SORCS1: variants seen among roughly 807,000 people sequenced by gnomAD.
SORCS1 encodes VPS10 domain-containing receptor SorCS1.
A neutral mutation model predicts 146.1 loss-of-function variants in SORCS1; 60 were observed. That is an observed-to-expected ratio of 0.41 (90% confidence interval 0.33 to 0.51). SORCS1 has a LOEUF of 0.51. Ranked by LOEUF, SORCS1 falls within the 20% of genes least tolerant of loss-of-function variation. The pLI is 0.21. For synonymous variants in SORCS1, 637 were observed against 584.0 expected, an observed-to-expected ratio of 1.09 and a Z score of -1.31; for missense variants, 1,352 against 1,487.6, an observed-to-expected ratio of 0.91 and a Z score of 1.50.
At chr10:106,851,577 C>G (rs1949575029) in intron 2 of SORCS1, among the ~76,000 whole-genome samples, 2 of 152,316 alleles carry the variant, frequency 1.3e-5, no homozygotes, top group Middle Eastern at 3.4e-3. Context: ...TGTTCCTTCA[C>G]ACAATAACAA....
intron 24 of SORCS1, among the ~76,000 whole-genome samples, chr10:106,592,952 A>C (rs1327405671): frequency 6.6e-6 from 1 of 152,000 alleles, no homozygotes; most frequent in Non-Finnish European, 1.5e-5. Context: ...AGCCTGGGCA[A>C]CATGGTGAAA....
chr10:106,828,150 G>C (rs991029991), intron 3 of SORCS1, among the ~76,000 whole-genome samples: 5 of 152,294 alleles, frequency 3.3e-5, no homozygotes, highest in African/African-American at 1.2e-4. Flanking sequence ...ACTGTGCTTG[G>C]AGAGATTAAG....
At chr10:106,976,338 T>TTTTTGTTTTTG (rs1554901375) in intron 1 of SORCS1, among the ~76,000 whole-genome samples, 2,011 of 133,794 alleles carry the variant, frequency 0.015, 89 homozygotes, top group African/African-American at 0.064. Flanking sequence ...TTTTTGTTTT[T>TTTTTGTTTTTG]TTTTTTTTTT....
At chr10:106,977,850 CTAAATATCA>C (rs1307789165) in intron 1 of SORCS1, among the ~76,000 whole-genome samples, 1 of 152,194 alleles carries the variant, frequency 6.6e-6, no homozygotes, top group East Asian at 1.9e-4. Context: ...TAAATGTCTA[CTAAATATCA>C]TAAAGAATGT....
chr10:106,951,095 T>A (rs1954652112), intron 2 of SORCS1, among the ~76,000 whole-genome samples: 1 of 152,206 alleles, frequency 6.6e-6, no homozygotes, highest in African/African-American at 2.4e-5. Flanking sequence ...TGTCTTATTC[T>A]GGGATCTGGC....
At chr10:106,831,600 T>A (rs558768202) in intron 2 of SORCS1, among the ~76,000 whole-genome samples, 2 of 150,720 alleles carry the variant, frequency 1.3e-5, no homozygotes, top group Admixed American at 1.3e-4. Flanking sequence ...AATTGCATGT[T>A]AACAACCTCA....
At chr10:106,956,410 A>G in intron 2 of SORCS1, 103 bp downstream of exon 2, 1 of 978,966 alleles carries the variant, frequency 1.0e-6, no homozygotes, top group Non-Finnish European at 1.6e-6. Flanking sequence ...CAAGCAGTGC[A>G]TATCACCAGG....
intron 1 of SORCS1, among the ~76,000 whole-genome samples, chr10:106,968,865 G>C (rs1376313397): frequency 2.0e-5 from 3 of 152,030 alleles, no homozygotes; most frequent in Admixed American, 6.6e-5. Flanking sequence ...CTTTTACTAT[G>C]GGAAAGTCTT....
At chr10:107,015,832 C>A (rs903725482) in intron 1 of SORCS1, among the ~76,000 whole-genome samples, 1 of 152,136 alleles carries the variant, frequency 6.6e-6, no homozygotes, top group Admixed American at 6.5e-5. Context: ...ATAGAAAATA[C>A]CTAAGTCAAA....
At chr10:106,600,659 T>A in intron 23 of SORCS1, 1 of 985,470 alleles carries the variant, frequency 1.0e-6, no homozygotes, top group Non-Finnish European at 1.2e-6. Context: ...CTTCTTACTA[T>A]CTTTTCTAGC....
intron 1 of SORCS1, among the ~76,000 whole-genome samples, chr10:107,064,578 T>C (rs1184540289): frequency 2.0e-5 from 3 of 152,230 alleles, no homozygotes; most frequent in Non-Finnish European, 4.4e-5. Context: ...CCTGCATTTA[T>C]ATGCTGGAGT....
chr10:106,631,045 T>A (rs1848411884), intron 18 of SORCS1, among the ~76,000 whole-genome samples: 2 of 152,192 alleles, frequency 1.3e-5, no homozygotes, highest in South Asian at 4.1e-4. Context: ...TATTTTCGAT[T>A]AAGTAAGGTT....
chr10:106,827,493 T>C (rs1048130917), intron 3 of SORCS1, among the ~76,000 whole-genome samples: 2 of 152,334 alleles, frequency 1.3e-5, no homozygotes, highest in Admixed American at 1.3e-4. Flanking sequence ...TGCTGGCTTA[T>C]TTCTCTTTAC....
chr10:106,670,459 C>T (rs1851503765), intron 16 of SORCS1, among the ~76,000 whole-genome samples: 1 of 152,202 alleles, frequency 6.6e-6, no homozygotes, highest in African/African-American at 2.4e-5. Context: ...TTGAATCCAT[C>T]CTTGCTCTGA....
chr10:106,577,014 T>C lies in SORCS1; in HGVS notation c.*406A>G, dbSNP rs1176149558. 2 of 290,096 alleles carry C rather than the reference T, an allele frequency of 6.9e-6. No individual in the cohort carries two copies. The highest frequency in any genetic ancestry group is 4.5e-5 in the African/African-American group (2 of 44,712). The allele number at this position is 290,096 out of a possible 1,614,324, so 18.0% of individuals were successfully genotyped here. A position where few individuals can be genotyped will look rare whatever the true frequency, so the allele number is the denominator to read the frequency against. On this transcript the variant is annotated 3_prime_UTR_variant, in exon 26 of 26. Transcript: ENST00000263054. Reference sequence around the variant, plus strand: ...GAGAGGGGAGTGTTTTCCATTAAAATAGAGCACCTGTACACTGCCCCTCCA... The same window carrying C: ...GAGAGGGGAGTGTTTTCCATTAAAACAGAGCACCTGTACACTGCCCCTCCA...
At chr10:107,085,038 A>T (rs935125927) in intron 1 of SORCS1, among the ~76,000 whole-genome samples, 19 of 152,270 alleles carry the variant, frequency 1.2e-4, no homozygotes, top group Admixed American at 7.8e-4. Context: ...GAAGCCCTCA[A>T]AGCTTTTGTT....
chr10:106,789,767 A>C (rs537663406), intron 3 of SORCS1, among the ~76,000 whole-genome samples: 18 of 151,986 alleles, frequency 1.2e-4, no homozygotes, highest in African/African-American at 4.3e-4. Flanking sequence ...CCAGTACTCC[A>C]CTCTCTGCAG....
At chr10:106,836,199 G>C (rs974963631) in intron 2 of SORCS1, among the ~76,000 whole-genome samples, 1 of 152,066 alleles carries the variant, frequency 6.6e-6, no homozygotes, top group Non-Finnish European at 1.5e-5. Context: ...GGTGCGCCGG[G>C]CGCAGTGGCT....
At chr10:106,775,487 A>G (rs1243215849) in intron 4 of SORCS1, among the ~76,000 whole-genome samples, 1 of 152,232 alleles carries the variant, frequency 6.6e-6, no homozygotes, top group African/African-American at 2.4e-5. Context: ...TTCCTTTAAA[A>G]TGCTCCTGTC....
Sources: allele counts gnomAD v4.1 joint callset (sites outside exome capture counted in the v4.1 genomes callset), GRCh38; gene constraint gnomAD v4.1.1; transcripts MANE v1.5; gene names NCBI Gene and HGNC (gene_info 2026-07-23, HGNC 2026-07-21).